The following ENTHD1 variants were observed in gnomAD, a reference collection of about 807,000 sequenced individuals.
ENTHD1 encodes ENTH domain-containing protein 1.
Under a neutral mutation model 39.1 loss-of-function variants are expected in ENTHD1, and 23 were observed. The observed-to-expected ratio is 0.59, with a 90% CI of 0.42 to 0.83. ENTHD1 has a LOEUF of 0.83. Ranked by LOEUF, ENTHD1 falls within the 40% of genes least tolerant of loss-of-function variation. The pLI is 0.00. For synonymous variants in ENTHD1, 230 were observed against 258.2 expected (o/e 0.89, Z 1.05); for missense variants, 624 against 705.4 (o/e 0.88, Z 1.31).
chr22:39,753,157 C>T (rs895999496), intron 6 of ENTHD1, among the ~76,000 whole-genome samples: 5 of 152,178 alleles, frequency 3.3e-5, no homozygotes, highest in African/African-American at 1.2e-4. Context: ...GTGTAGAATA[C>T]TGAATTTTTT....
chr22:39,891,508 T>C lies in ENTHD1; in HGVS notation c.-156+2187A>G, dbSNP rs560947354. Among the ~76,000 whole-genome samples the C allele has an allele frequency of 5.9e-5, 9 of 151,824 alleles. 1 individual carries two copies. In the South Asian group the frequency reaches 1.7e-3, roughly 28 times the overall value. ...TTTTTTTTGAGATAAAGCCTCACTA[T>C]GTAGCCCAGGCTGCTTGCAAACTCC... is the stretch of plus-strand genomic sequence containing the variant. On this transcript the variant is annotated intron_variant, in intron 1 of 6. Coordinates refer to ENST00000325157, the MANE Select transcript of ENTHD1 (RefSeq NM_152512.4).
At position 39,893,094 on chromosome 22, in the gene ENTHD1, C is replaced by T. The variant is rs139087674; in HGVS notation, c.-156+601G>A. ...TTGAACGCTCACAATGTGCTCACAC[C>T]TGGGCCTTCACATGCCTCATCTCTC... On this transcript the variant is annotated intron_variant, in intron 1 of 6. Transcript: ENST00000325157. 6 of 152,294 alleles carry T rather than the reference C, an allele frequency of 3.9e-5. No individual in the cohort carries two copies. In the East Asian group the frequency reaches 1.2e-3, roughly 29 times the overall value. The allele number at this position is 152,294 out of a possible 1,614,324, so 9.4% of individuals were successfully genotyped here.
intron 2 of ENTHD1, among the ~76,000 whole-genome samples, chr22:39,869,901 GA>G (rs1302555953): frequency 1.3e-5 from 2 of 151,792 alleles, no homozygotes; most frequent in African/African-American, 4.8e-5. Context: ...CAGTCATTGA[GA>G]TTTTTTTAAA....
chr22:39,780,089 G>A (rs1475875402), intron 5 of ENTHD1, among the ~76,000 whole-genome samples: 1 of 152,094 alleles, frequency 6.6e-6, no homozygotes, highest in Non-Finnish European at 1.5e-5. Context: ...ATAATACTGT[G>A]GGGGCTGTGT....
intron 5 of ENTHD1, among the ~76,000 whole-genome samples, chr22:39,813,823 C>T (rs773210166): frequency 6.6e-6 from 1 of 152,064 alleles, no homozygotes; most frequent in African/African-American, 2.4e-5. Flanking sequence ...GAAGAATCTA[C>T]AGATAAACTG....
At chr22:39,786,362 C>G (rs548008380) in intron 5 of ENTHD1, among the ~76,000 whole-genome samples, 2 of 151,930 alleles carry the variant, frequency 1.3e-5, no homozygotes, top group African/African-American at 4.8e-5. Flanking sequence ...ACCTCATATA[C>G]TTATCATTTT....
intron 4 of ENTHD1, among the ~76,000 whole-genome samples, chr22:39,827,657 C>A (rs945326955): frequency 4.6e-5 from 7 of 151,982 alleles, no homozygotes; most frequent in Non-Finnish European, 1.0e-4. Context: ...CTTTTGATAA[C>A]AGTATTTGCA....
Position 39,850,567 on chromosome 22 carries a change from T to G in ENTHD1, c.592+11198A>C, listed in dbSNP as rs1359520543. ...TCTATCTGGGCTTATTTCTATTATT[T>G]ATTTTACTTTTTAATTTCCATTTGT... On this transcript the variant is annotated intron_variant, in intron 3 of 6. Coordinates refer to ENST00000325157, the MANE Select transcript of ENTHD1 (RefSeq NM_152512.4). 2.0e-5 allele frequency among the ~76,000 whole-genome samples: 3 copies of G among 152,152 alleles called. No individual in the cohort carries two copies. The East Asian group carries it at 5.8e-4, about 29-fold the overall frequency.
chr22:39,845,634 A>G (rs2065980869), intron 3 of ENTHD1, among the ~76,000 whole-genome samples: 1 of 152,230 alleles, frequency 6.6e-6, no homozygotes, highest in South Asian at 2.1e-4. Context: ...AAGTTATTGT[A>G]AATTATATCT....
chr22:39,843,333 A>C (rs113382402), intron 3 of ENTHD1, among the ~76,000 whole-genome samples: 54 of 152,040 alleles, frequency 3.6e-4, no homozygotes, highest in African/African-American at 1.2e-3. Flanking sequence ...AACTGGAAAT[A>C]ATCATTCTCA....
chr22:39,829,379 C>CAAA (rs71721601), intron 4 of ENTHD1, among the ~76,000 whole-genome samples: 1 of 109,482 alleles, frequency 9.1e-6, no homozygotes, highest in Non-Finnish European at 2.0e-5. Context: ...AAGACAGATA[C>CAAA]AAAAAAAAAA....
intron 3 of ENTHD1, among the ~76,000 whole-genome samples, chr22:39,837,835 C>A (rs531148190): frequency 6.6e-6 from 1 of 152,302 alleles, no homozygotes; most frequent in African/African-American, 2.4e-5. Flanking sequence ...GGCTGCATGC[C>A]TTTGCCATCC....
At chr22:39,889,673 T>C (rs1338063185) in intron 1 of ENTHD1, among the ~76,000 whole-genome samples, 1 of 152,226 alleles carries the variant, frequency 6.6e-6, no homozygotes, top group East Asian at 1.9e-4. Context: ...TTTCTGTATG[T>C]GTATTAAAGG....
intron 5 of ENTHD1, 103 bp from the exon 6 acceptor site, chr22:39,765,712 CAG>C: frequency 2.5e-6 from 3 of 1,184,958 alleles, no homozygotes; most frequent in Non-Finnish European, 3.5e-6. Context: ...AATGTCATAA[CAG>C]AATTCTTTCC....
chr22:39,775,609 A>C (rs1402089820), intron 5 of ENTHD1, among the ~76,000 whole-genome samples: 3 of 152,164 alleles, frequency 2.0e-5, no homozygotes, highest in African/African-American at 4.8e-5. Flanking sequence ...TAACAATTCT[A>C]ACAGCTTGAT....
chr22:39,821,195 C>A lies in ENTHD1; in HGVS notation c.712-82G>T, dbSNP rs2065780753. ...GACAATTTATTGAGCTACAAAGTAT[C>A]TAAATGTGCTAACATCATCATAAAC... On this transcript the variant is annotated intron_variant, in intron 4 of 6. Coordinates refer to ENST00000325157, the MANE Select transcript of ENTHD1 (RefSeq NM_152512.4). 3 of 1,465,518 alleles carry A rather than the reference C, an allele frequency of 2.0e-6. No individual in the cohort carries two copies. In the Admixed American group the frequency reaches 5.9e-5, roughly 29 times the overall value. The allele number at this position is 1,465,518 out of a possible 1,614,324, so 90.8% of individuals were successfully genotyped here.
chr22:39,864,084 A>G (rs1356513710), intron 2 of ENTHD1, among the ~76,000 whole-genome samples: 3 of 152,226 alleles, frequency 2.0e-5, no homozygotes, highest in Non-Finnish European at 4.4e-5. Context: ...GTGTCGTGTG[A>G]TAAACAGAAG....
At chr22:39,879,658 CT>C (rs2066321080) in intron 2 of ENTHD1, among the ~76,000 whole-genome samples, 1 of 152,046 alleles carries the variant, frequency 6.6e-6, no homozygotes, top group African/African-American at 2.4e-5. Context: ...GCATCAGGAA[CT>C]CTCATTATTG....
At chr22:39,827,540 T>C (rs1338307051) in intron 4 of ENTHD1, among the ~76,000 whole-genome samples, 1 of 151,948 alleles carries the variant, frequency 6.6e-6, no homozygotes, top group African/African-American at 2.4e-5. Flanking sequence ...AGGACATGAA[T>C]AGAGTTAACA....
Sources: gnomAD v4.1 joint callset for allele counts (sites outside exome capture counted in the v4.1 genomes callset) on GRCh38, gnomAD v4.1.1 for gene constraint, MANE v1.5 for transcripts, NCBI Gene and HGNC (gene_info 2026-07-23, HGNC 2026-07-21) for gene names.